The following HNRNPU variants were observed in gnomAD, a reference collection of about 807,000 sequenced individuals.
The protein encoded by HNRNPU is heterogeneous nuclear ribonucleoprotein U.
Under a neutral mutation model 94.7 loss-of-function variants are expected in HNRNPU, and 5 were observed. The observed-to-expected ratio is 0.05, with a 90% CI of 0.03 to 0.11. HNRNPU has a LOEUF of 0.11. HNRNPU is among the 10% of genes least tolerant of loss of function. The probability of loss-of-function intolerance (pLI) is 1.00; values close to 1 mark genes in which losing one functional copy is unlikely to be tolerated. For missense variants in HNRNPU, 710 were observed against 1,049.2 expected (o/e 0.68, Z 4.47); for synonymous variants, 434 against 381.6 (o/e 1.14, Z -1.60).
rs1680944667 is a variant in HNRNPU at position 244,864,379 on chromosome 1, T to G, written c.-72A>C. The G allele has an allele frequency of 6.3e-7, 1 of 1,584,200 alleles. No homozygotes were observed. On this transcript the variant is annotated 5_prime_UTR_variant, in exon 1 of 14. Coordinates refer to ENST00000640218, the MANE Select transcript of HNRNPU (RefSeq NM_031844.3). ...CGCTCACTCGGCCACTGGTGGCGGC[T>G]GCTGCGGCTGCTCCTCGGCCCGGGC...
intron 11 of HNRNPU, 21 bp downstream of exon 11, chr1:244,855,883 G>A (rs566829652): frequency 6.2e-7 from 1 of 1,612,222 alleles, no homozygotes. Context: ...ACTAAATACA[G>A]AACACTCAAA....
At chr1:244,854,597 T>C in intron 13 of HNRNPU, 94 bp from the exon 14 acceptor site, 1 of 856,790 alleles carries the variant, frequency 1.2e-6, no homozygotes, top group East Asian at 2.4e-5. Flanking sequence ...CAGAGTAATT[T>C]GCTGGAAACA....
rs1382109393 is a variant in HNRNPU, at chr1:244,851,390, AATTTAT to A, written c.*3054_*3059del. 1 of 152,242 alleles carries A rather than the reference AATTTAT, an allele frequency of 6.6e-6. No individual in the cohort carries two copies. Among genetic ancestry groups the A allele is most frequent in the Non-Finnish European group, 1.5e-5 (1 of 68,044 alleles). 9.4% of individuals were successfully genotyped at this position (152,242 alleles called of 1,614,324 possible). A position where few individuals can be genotyped will look rare whatever the true frequency, so the allele number is the denominator to read the frequency against. ...TCACATGGTCCTAGAATAAAAAGTC[AATTTAT>A]ATTGTGAATAAATTTATCAAAAAAC... On this transcript the variant is annotated 3_prime_UTR_variant, in exon 14 of 14. Transcript: ENST00000640218.
chr1:244,862,074 T>G (rs1228500578), intron 3 of HNRNPU: 2 of 167,520 alleles, frequency 1.2e-5, no homozygotes, highest in Non-Finnish European at 2.6e-5. Flanking sequence ...TTAGTAAATA[T>G]TTAACTAGCC....
At chr1:244,854,685 C>A (rs1224307068) in intron 13 of HNRNPU, 182 bp from the exon 14 acceptor site, 24 of 572,222 alleles carry the variant, frequency 4.2e-5, no homozygotes, top group Non-Finnish European at 6.4e-5. Context: ...ATACACATTA[C>A]AAAACGAAAC....
rs1680658006 is a variant in HNRNPU at position 244,855,605 on chromosome 1, G to A, written c.2171C>T (p.Pro724Leu). 1.2e-6 allele frequency: 2 copies of A among 1,613,936 alleles called. No individual in the cohort carries two copies. The highest frequency in any genetic ancestry group is 1.3e-5 in the African/African-American group (1 of 74,996). Residue 724 changes from proline (P) to leucine (L), a missense_variant, in exon 12 of 14, where the codon CCT (proline) becomes CTT (leucine). Pro to Leu is a moderately conservative substitution (Grantham distance 98, BLOSUM62 -3). This residue lies in a region of HNRNPU where 152 missense variants were observed against 238.9 expected (regional missense o/e 0.64). Transcript: ENST00000640218. ...MRGGNFRGGAPGNRGGYNRRG... is the reference protein window; with the variant it reads ...MRGGNFRGGALGNRGGYNRRG... ...CCTATTATATCCGCCACGATTCCCA[G>A]GGGCTAAAAGACAAGAGCTGTTTTA...
intron 8 of HNRNPU, 79 bp downstream of exon 8, chr1:244,857,519 T>TTACA (rs1553282531): frequency 2.1e-6 from 3 of 1,421,596 alleles, no homozygotes; most frequent in Non-Finnish European, 2.9e-6. Flanking sequence ...AATGCTGAGA[T>TTACA]TACAGGCGTG....
At chr1:244,859,507 C>G in intron 4 of HNRNPU, 133 bp from the exon 5 acceptor site, 1 of 506,360 alleles carries the variant, frequency 2.0e-6, no homozygotes, top group Non-Finnish European at 3.5e-6. Flanking sequence ...CTAGCCCACC[C>G]CCAATATTTG....
Position 244,857,989 on chromosome 1 carries a change from TAA to T in HNRNPU, c.1494+20_1494+21del, listed in dbSNP as rs750413170. On this transcript the variant is annotated intron_variant, in intron 7 of 13. Transcript: ENST00000640218. ...GCAAGCAATATTCAAATGCCACAGTTAAAAAAAAAAAAATCCCTTACTTCACA... is the reference window on the plus strand; with the variant it reads ...GCAAGCAATATTCAAATGCCACAGTTAAAAAAAAAAATCCCTTACTTCACA... 2.8e-3 allele frequency: 3,782 copies of T among 1,358,764 alleles called. No individual in the cohort carries two copies. Among genetic ancestry groups the T allele is most frequent in the South Asian group, 4.5e-3 (342 of 75,252 alleles). 84.2% of individuals were successfully genotyped at this position (1,358,764 alleles called of 1,614,324 possible).
Position 244,854,100 on chromosome 1 carries a change from G to A in HNRNPU, c.*350C>T, listed in dbSNP as rs1314682666. 4.1e-6 allele frequency: 1 copy of A among 246,728 alleles called. No individual in the cohort carries two copies. Among genetic ancestry groups the A allele is most frequent in the African/African-American group, 2.4e-5 (1 of 42,112 alleles). 15.3% of individuals were successfully genotyped at this position (246,728 alleles called of 1,614,324 possible). On this transcript the variant is annotated 3_prime_UTR_variant, in exon 14 of 14. Coordinates refer to ENST00000640218, the MANE Select transcript of HNRNPU (RefSeq NM_031844.3). Reference sequence around the variant, plus strand: ...CCGACTGTTATTCTCTGTGAGAAATGGGGGGAGTAAATTCTTAATAAAAGA... The same window carrying A: ...CCGACTGTTATTCTCTGTGAGAAATAGGGGGAGTAAATTCTTAATAAAAGA...
In HNRNPU at chr1:244,850,422, G is replaced by A. The variant is rs1307765633; in HGVS notation, c.*4028C>T. The A allele has an allele frequency of 6.6e-6, 1 of 151,746 alleles. No homozygotes were observed. Among genetic ancestry groups the A allele is most frequent in the African/African-American group, 2.4e-5 (1 of 41,302 alleles). The allele number at this position is 151,746 out of a possible 1,614,324, so 9.4% of individuals were successfully genotyped here. On this transcript the variant is annotated 3_prime_UTR_variant, in exon 14 of 14. Coordinates refer to ENST00000640218, the MANE Select transcript of HNRNPU (RefSeq NM_031844.3). Reference sequence around the variant, plus strand: ...ACTACCAACTCAAGCACTAACACTAGCTAGATCACCTTCATGCTTTAAAAT... The same window carrying A: ...ACTACCAACTCAAGCACTAACACTAACTAGATCACCTTCATGCTTTAAAAT...
rs201031433 is a variant in HNRNPU at position 244,864,426 on chromosome 1, A to C, written c.-119T>G. On this transcript the variant is annotated 5_prime_UTR_variant, in exon 1 of 14. Transcript: ENST00000640218. ...GGGCGGCGGCTGCGGCTGCGGCTGG[A>C]GATGGGTTCGTGCTGCAGAGCGGAT... 6.5e-7 allele frequency: 1 copy of C among 1,531,924 alleles called. No individual in the cohort carries two copies. Among genetic ancestry groups the C allele is most frequent in the East Asian group, 2.3e-5 (1 of 42,560 alleles). The allele number at this position is 1,531,924 out of a possible 1,614,324, so 94.9% of individuals were successfully genotyped here. A position where few individuals can be genotyped will look rare whatever the true frequency, so the allele number is the denominator to read the frequency against.
At chr1:244,857,872 G>A (rs1374109420) in intron 7 of HNRNPU, 139 bp downstream of exon 7, 19 of 1,296,870 alleles carry the variant, frequency 1.5e-5, no homozygotes, top group Non-Finnish European at 1.8e-5. Context: ...GTCAACATAA[G>A]GGGGAAACAA....
chr1:244,861,225 A>G (rs1300680602), intron 3 of HNRNPU: 1 of 152,242 alleles, frequency 6.6e-6, no homozygotes, highest in Non-Finnish European at 1.5e-5. Flanking sequence ...TCAGAGAAAA[A>G]TAAATCTACA....
intron 5 of HNRNPU, 51 bp from the exon 6 acceptor site, chr1:244,858,892 A>G (rs1218915204): frequency 1.1e-6 from 1 of 874,506 alleles, no homozygotes; most frequent in Non-Finnish European, 1.9e-6. Flanking sequence ...TAGTCCAAAG[A>G]CTCATCTATT....
intron 1 of HNRNPU, chr1:244,863,089 T>C: frequency 4.6e-6 from 1 of 217,820 alleles, no homozygotes; most frequent in South Asian, 9.6e-5. Context: ...GCGGCCGCAT[T>C]GTACTGATCT....
intron 3 of HNRNPU, chr1:244,861,108 G>A (rs1340393274): frequency 6.6e-6 from 1 of 152,238 alleles, no homozygotes; most frequent in Admixed American, 6.5e-5. Context: ...AATCCAAAGT[G>A]TCTTTAACCC....
chr1:244,861,508 C>T (rs1441418985), intron 3 of HNRNPU: 1 of 152,142 alleles, frequency 6.6e-6, no homozygotes, highest in Non-Finnish European at 1.5e-5. Flanking sequence ...CTATCTCAAC[C>T]TTCTGTAAAG....
intron 5 of HNRNPU, 32 bp downstream of exon 5, chr1:244,859,243 A>G (rs1680762476): frequency 1.8e-6 from 2 of 1,096,830 alleles, no homozygotes; most frequent in Non-Finnish European, 2.8e-6. Context: ...CTGAACATTC[A>G]TGAGCCCACA....
Sources: allele counts gnomAD v4.1 joint callset, GRCh38; gene constraint gnomAD v4.1.1; regional missense constraint gnomAD v4.1.1; transcripts MANE v1.5; gene names NCBI Gene and HGNC (gene_info 2026-07-23, HGNC 2026-07-21).